Variants in LARGE1 observed in about 807,000 individuals in gnomAD.
The protein encoded by LARGE1 is LARGE xylosyl- and glucuronyltransferase 1, also known as xylosyl- and glucuronyltransferase LARGE1.
A neutral mutation model predicts 87.6 loss-of-function variants in LARGE1; 43 were observed. The observed-to-expected ratio is 0.49, with a 90% CI of 0.38 to 0.63. The LOEUF is 0.63. Ranked by LOEUF, LARGE1 falls within the 30% of genes least tolerant of loss-of-function variation. The probability of loss-of-function intolerance (pLI) is 0.00; values close to 1 mark genes in which losing one functional copy is unlikely to be tolerated. For synonymous variants in LARGE1, 434 were observed against 394.6 expected (o/e 1.10, Z -1.18); for missense variants, 802 against 1,000.2 (o/e 0.80, Z 2.67).
intron 6 of LARGE1, among the ~76,000 whole-genome samples, chr22:33,435,520 A>G (rs2067236550): frequency 1.3e-5 from 2 of 152,160 alleles, no homozygotes; most frequent in Non-Finnish European, 2.9e-5. Flanking sequence ...GGTGTGTGTT[A>G]GTGTCCTCAT....
intron 12 of LARGE1, among the ~76,000 whole-genome samples, chr22:33,290,649 T>C (rs1602261881): frequency 6.6e-6 from 1 of 152,090 alleles, no homozygotes; most frequent in African/African-American, 2.4e-5. Flanking sequence ...GGCAGCTGGG[T>C]TTGGCAACAT....
chr22:33,155,710 C>T, the LARGE1 span, among the ~76,000 whole-genome samples: 1 of 152,110 alleles, frequency 6.6e-6, no homozygotes, highest in African/African-American at 2.4e-5. Flanking sequence ...CAGAAATTTG[C>T]ATAAGTAATG....
intron 6 of LARGE1, among the ~76,000 whole-genome samples, chr22:33,498,754 G>A (rs1332654612): frequency 2.6e-5 from 4 of 152,082 alleles, no homozygotes; most frequent in Non-Finnish European, 4.4e-5. Context: ...GGCGGATCAC[G>A]AGGTCAGGAG....
intron 5 of LARGE1, among the ~76,000 whole-genome samples, chr22:33,570,696 A>G (rs562496540): frequency 1.3e-5 from 2 of 151,532 alleles, no homozygotes; most frequent in East Asian, 1.9e-4. Flanking sequence ...TGGAAAATGC[A>G]AAGTCCCTCC....
intron 12 of LARGE1, among the ~76,000 whole-genome samples, chr22:33,288,340 G>A (rs1239382936): frequency 6.6e-6 from 1 of 152,186 alleles, no homozygotes; most frequent in Admixed American, 6.5e-5. Flanking sequence ...TACTGCCTTA[G>A]GACAGTAACA....
chr22:33,258,446 G>C (rs1467885599), intron 11 of LARGE1, among the ~76,000 whole-genome samples: 7 of 152,214 alleles, frequency 4.6e-5, no homozygotes, highest in South Asian at 4.1e-4. Context: ...TGTGGTGTTA[G>C]ATGCGGAGAA....
intron 11 of LARGE1, among the ~76,000 whole-genome samples, chr22:33,173,468 C>G (rs12483930): frequency 0.03 from 4,584 of 152,148 alleles, 95 homozygotes; most frequent in Admixed American, 0.057. Context: ...ACCACAATGA[C>G]AAGATCAAAT....
intron 2 of LARGE1, among the ~76,000 whole-genome samples, chr22:33,663,012 G>T (rs1011800798): frequency 2.0e-5 from 3 of 151,734 alleles, no homozygotes; most frequent in Admixed American, 2.0e-4. Context: ...ATTCCAACAA[G>T]TATCTATATT....
At chr22:33,555,787 G>C (rs577093758) in intron 6 of LARGE1, among the ~76,000 whole-genome samples, 1 of 151,812 alleles carries the variant, frequency 6.6e-6, no homozygotes, top group Non-Finnish European at 1.5e-5. Flanking sequence ...AAAATTAGCC[G>C]GGTGTGGTGG....
At chr22:33,458,065 T>TA (rs2068213246) in intron 6 of LARGE1, among the ~76,000 whole-genome samples, 1 of 152,196 alleles carries the variant, frequency 6.6e-6, no homozygotes, top group Non-Finnish European at 1.5e-5. Context: ...TGGTGCCAGA[T>TA]ACTTCATATT....
At chr22:33,902,151 G>A (rs1380236418) in intron 1 of LARGE1, among the ~76,000 whole-genome samples, 1 of 152,164 alleles carries the variant, frequency 6.6e-6, no homozygotes, top group Non-Finnish European at 1.5e-5. Context: ...CTTTTACGAC[G>A]TGGGCCAAAT....
chr22:33,908,287 G>A (rs1034759114), intron 1 of LARGE1, among the ~76,000 whole-genome samples: 1 of 152,140 alleles, frequency 6.6e-6, no homozygotes. Context: ...AAACAGTCAG[G>A]TTACGGCGCA....
downstream of LARGE1, among the ~76,000 whole-genome samples, chr22:33,161,736 A>G (rs1156360704): frequency 2.0e-5 from 3 of 152,178 alleles, no homozygotes; most frequent in East Asian, 1.9e-4. Flanking sequence ...CTCTGCCCCT[A>G]TGGCTTTGCA....
intron 9 of LARGE1, among the ~76,000 whole-genome samples, chr22:33,347,644 G>A (rs1023359738): frequency 2.0e-5 from 3 of 152,262 alleles, no homozygotes; most frequent in Admixed American, 6.5e-5. Context: ...TCATCTTCGG[G>A]ATTATGACAC....
chr22:33,917,377 AG>A (rs1215205971), intron 1 of LARGE1, among the ~76,000 whole-genome samples: 1 of 152,228 alleles, frequency 6.6e-6, no homozygotes, highest in Non-Finnish European at 1.5e-5. Flanking sequence ...TTCTGCTGGA[AG>A]GGCTGTGGAC....
At chr22:33,165,928 C>T (rs1922243987) in exon 12 of LARGE1, 2 of 152,128 alleles carry the variant, frequency 1.3e-5, no homozygotes. Context: ...CTGCTATGGC[C>T]TGTTTAAGGA....
chr22:33,332,920 A>AAAAC (rs1352873091), intron 10 of LARGE1, among the ~76,000 whole-genome samples: 2 of 152,152 alleles, frequency 1.3e-5, no homozygotes, highest in Non-Finnish European at 2.9e-5. Flanking sequence ...TAGTACCCAC[A>AAAAC]AAACAATCCA....
intron 6 of LARGE1, among the ~76,000 whole-genome samples, chr22:33,490,236 C>T (rs973126640): frequency 7.9e-5 from 12 of 152,160 alleles, no homozygotes; most frequent in Non-Finnish European, 1.5e-4. Context: ...GCTGGGACTG[C>T]GTCTTATCCA....
chr22:33,769,343 G>A (rs1030793637), intron 1 of LARGE1, among the ~76,000 whole-genome samples: 1 of 152,136 alleles, frequency 6.6e-6, no homozygotes, highest in East Asian at 1.9e-4. Context: ...ATCCTGGCAC[G>A]CAAATTCTCG....
Sources: gnomAD v4.1 joint callset for allele counts (sites outside exome capture counted in the v4.1 genomes callset) on GRCh38, gnomAD v4.1.1 for gene constraint, MANE v1.5 for transcripts, NCBI Gene and HGNC (gene_info 2026-07-23, HGNC 2026-07-21) for gene names.